The following SHLD1 variants were observed in gnomAD, a reference collection of about 807,000 sequenced individuals.
The protein encoded by SHLD1 is RINN1-REV7-interacting novel NHEJ regulator 3.
SHLD1 carries 3 observed loss-of-function variants against 5.5 expected under a neutral mutation model. That is an observed-to-expected ratio of 0.54 (90% CI 0.25 to 1.40). The LOEUF (loss-of-function observed/expected upper bound fraction) is 1.40. SHLD1 is among the 40% of genes most tolerant of loss of function. The pLI is 0.15. For missense variants in SHLD1, 210 were observed against 244.4 expected (o/e 0.86, Z 0.94); for synonymous variants, 92 against 94.3 (o/e 0.98, Z 0.14).
chr20:5,779,970 C>CTTT (rs1985612910), intron 2 of SHLD1, among the ~76,000 whole-genome samples: 1 of 115,564 alleles, frequency 8.7e-6, no homozygotes, highest in African/African-American at 3.4e-5. Flanking sequence ...TTTACAATTT[C>CTTT]TGTTTTTTTT....
intron 2 of SHLD1, among the ~76,000 whole-genome samples, chr20:5,830,944 A>AT (rs2087722366): frequency 6.6e-6 from 1 of 152,084 alleles, no homozygotes; most frequent in Non-Finnish European, 1.5e-5. Flanking sequence ...TATTTATTTA[A>AT]TTTTTTAGGG....
chr20:5,833,532 A>G (rs926192079), intron 2 of SHLD1, among the ~76,000 whole-genome samples: 3 of 151,982 alleles, frequency 2.0e-5, no homozygotes, highest in African/African-American at 7.3e-5. Context: ...TTATCTCTCT[A>G]GGCCTCTGCT....
At chr20:5,767,105 C>A (rs1429654567) in intron 1 of SHLD1, among the ~76,000 whole-genome samples, 3 of 149,392 alleles carry the variant, frequency 2.0e-5, no homozygotes, top group Admixed American at 6.9e-5. Context: ...TCCTCTTTAA[C>A]ACATTTCTCC....
At chr20:5,803,157 C>CT (rs928005744) in intron 2 of SHLD1, among the ~76,000 whole-genome samples, 42 of 149,864 alleles carry the variant, frequency 2.8e-4, no homozygotes, top group Non-Finnish European at 4.2e-4. Context: ...GATTGCAGAT[C>CT]TTTTTTTTTT....
intron 2 of SHLD1, among the ~76,000 whole-genome samples, chr20:5,841,404 C>G (rs1029596516): frequency 3.9e-5 from 6 of 152,018 alleles, no homozygotes; most frequent in African/African-American, 1.5e-4. Flanking sequence ...TTTGGGGGCC[C>G]CATTAGGAGC....
At chr20:5,765,588 C>G (rs1355536424) in intron 1 of SHLD1, among the ~76,000 whole-genome samples, 1 of 151,774 alleles carries the variant, frequency 6.6e-6, no homozygotes, top group Non-Finnish European at 1.5e-5. Context: ...ATAAGCACTT[C>G]TAGAGAAGGA....
chr20:5,823,755 T>A (rs540863814), intron 2 of SHLD1, among the ~76,000 whole-genome samples: 1 of 151,984 alleles, frequency 6.6e-6, no homozygotes, highest in Admixed American at 6.6e-5. Flanking sequence ...GCCAAAAATC[T>A]CATAATGTTC....
At chr20:5,796,641 A>G (rs906576423) in intron 2 of SHLD1, among the ~76,000 whole-genome samples, 9 of 152,086 alleles carry the variant, frequency 5.9e-5, no homozygotes, top group African/African-American at 1.9e-4. Context: ...AGCCTGGGCA[A>G]CATGGAGAAA....
At chr20:5,823,855 A>G (rs1332538824) in intron 2 of SHLD1, among the ~76,000 whole-genome samples, 1 of 152,184 alleles carries the variant, frequency 6.6e-6, no homozygotes, top group African/African-American at 2.4e-5. Flanking sequence ...ATCTGTCCCC[A>G]TAGGCCACCT....
chr20:5,857,154 T>C (rs1376838232), intron 2 of SHLD1, among the ~76,000 whole-genome samples: 1 of 152,152 alleles, frequency 6.6e-6, no homozygotes, highest in Non-Finnish European at 1.5e-5. Flanking sequence ...TTTTGTGTTT[T>C]TAGTAGAGAC....
chr20:5,769,165 G>A (rs113476838), intron 1 of SHLD1, among the ~76,000 whole-genome samples: 4,021 of 152,174 alleles, frequency 0.026, 76 homozygotes, highest in Non-Finnish European at 0.04. Context: ...CCTCGGCCCC[G>A]CAAAGTGCTG....
intron 2 of SHLD1, among the ~76,000 whole-genome samples, chr20:5,830,146 T>G (rs2087710585): frequency 6.6e-6 from 1 of 152,184 alleles, no homozygotes; most frequent in Non-Finnish European, 1.5e-5. Context: ...GAGAAATGCA[T>G]CCGTATGTTC....
chr20:5,769,266 T>G (rs1444961442), intron 1 of SHLD1, among the ~76,000 whole-genome samples: 1 of 152,136 alleles, frequency 6.6e-6, no homozygotes, highest in African/African-American at 2.4e-5. Flanking sequence ...ATTGAGAGAG[T>G]GCTCTCTGAT....
In SHLD1 at chr20:5,863,475, C is replaced by A. The variant is rs1699232; in HGVS notation, c.*12C>A. 1.0e-5 allele frequency: 16 copies of A among 1,581,234 alleles called. No homozygotes were observed. In the African/African-American group the frequency reaches 2.2e-4, roughly 21 times the overall value. ...TGAAAGACCTGTAACTGGTGCCGGG[C>A]AGTGTGCAGGGTAGTAATGGAGGTG... is the stretch of plus-strand genomic sequence containing the variant. On this transcript the variant is annotated 3_prime_UTR_variant, in exon 3 of 3. Transcript: ENST00000303142.
chr20:5,818,833 C>G (rs961126307), intron 2 of SHLD1, among the ~76,000 whole-genome samples: 2 of 152,106 alleles, frequency 1.3e-5, no homozygotes, highest in African/African-American at 4.8e-5. Flanking sequence ...CTGATTGGAT[C>G]CTGGATCCTG....
chr20:5,856,921 T>C (rs1272604245), intron 2 of SHLD1, among the ~76,000 whole-genome samples: 4 of 152,242 alleles, frequency 2.6e-5, no homozygotes, highest in African/African-American at 9.6e-5. Context: ...AATCTTATGT[T>C]CCCATTTGCA....
At position 5,824,464 on chromosome 20, in the gene SHLD1, A is replaced by G. The variant is rs78537426; in HGVS notation, c.179-38560A>G. Among the ~76,000 whole-genome samples, 294 of 152,318 alleles carry G rather than the reference A, an allele frequency of 1.9e-3. 1 individual carries two copies. Among genetic ancestry groups the G allele is most frequent in the African/African-American group, 6.0e-3 (248 of 41,566 alleles). On this transcript the variant is annotated intron_variant, in intron 2 of 2. Transcript: ENST00000303142. ...GTTTCACCACTGGAATATAAGCTCCACAGAGCAAGTAGCTTGTCTCTCTTG... is the reference window on the plus strand; with the variant it reads ...GTTTCACCACTGGAATATAAGCTCCGCAGAGCAAGTAGCTTGTCTCTCTTG...
At chr20:5,798,699 G>T (rs6053713) in intron 2 of SHLD1, among the ~76,000 whole-genome samples, 20 of 151,240 alleles carry the variant, frequency 1.3e-4, no homozygotes, top group African/African-American at 4.9e-4. Context: ...CTCACTGCAA[G>T]CTCCGCCTCC....
At chr20:5,760,985 G>A (rs928008054) in intron 1 of SHLD1, among the ~76,000 whole-genome samples, 7 of 152,026 alleles carry the variant, frequency 4.6e-5, no homozygotes, top group Non-Finnish European at 1.0e-4. Flanking sequence ...TGTGATGAAA[G>A]GACAAAATGG....
Sources: gnomAD v4.1 joint callset for allele counts (sites outside exome capture counted in the v4.1 genomes callset) on GRCh38, gnomAD v4.1.1 for gene constraint, MANE v1.5 for transcripts, NCBI Gene and HGNC (gene_info 2026-07-23, HGNC 2026-07-21) for gene names.